The following FAAH2 variants were observed in gnomAD, a reference collection of about 807,000 sequenced individuals.
FAAH2 encodes fatty-acid amide hydrolase 2.
A neutral mutation model predicts 36.9 loss-of-function variants in FAAH2; 60 were observed. The ratio of observed to expected loss-of-function variants is 1.63; its 90% CI spans 1.32 to 2.02. FAAH2 has a LOEUF of 2.02. Ranked by LOEUF, FAAH2 falls within the 30% of genes most tolerant of loss-of-function variation. The pLI, the probability that FAAH2 is intolerant of heterozygous loss-of-function variation, is 0.00. For missense variants in FAAH2, 689 were observed against 397.5 expected (o/e 1.73, Z -6.23); for synonymous variants, 214 against 143.8 (o/e 1.49, Z -3.49).
At position 57,443,617 on chromosome X, in the gene FAAH2, C is replaced by T. The variant is rs754666325; in HGVS notation, c.1117-3311C>T. ...CGGACGCCTTCTTCTCTCAACTCAT[C>T]AAAGTCATTCTCTATCCAGCTTTGT... On this transcript the variant is annotated intron_variant, in intron 8 of 10. Transcript: ENST00000374900. Among the ~76,000 whole-genome samples, 6 of 112,085 alleles carry T rather than the reference C, an allele frequency of 5.4e-5. No homozygotes were observed. In the South Asian group the frequency reaches 1.5e-3, roughly 28 times the overall value.
At chrX:57,455,788 T>C (rs2056855188) in intron 10 of FAAH2, among the ~76,000 whole-genome samples, 1 of 112,052 alleles carries the variant, frequency 8.9e-6, no homozygotes, top group Admixed American at 9.4e-5. Context: ...AATGTAGAAG[T>C]ACCTGGATTC....
At chrX:57,173,632 T>C in the FAAH2 span, among the ~76,000 whole-genome samples, 1 of 111,960 alleles carries the variant, frequency 8.9e-6, no homozygotes, top group African/African-American at 3.2e-5. Flanking sequence ...GTGATGAAAA[T>C]AGGCAACCTT....
the FAAH2 span, among the ~76,000 whole-genome samples, chrX:57,176,273 G>GT: frequency 3.4e-3 from 347 of 101,820 alleles, no homozygotes; most frequent in South Asian, 0.019. Flanking sequence ...TCATGTAATT[G>GT]TTTTTTTTTT....
the FAAH2 span, among the ~76,000 whole-genome samples, chrX:57,124,040 G>A: frequency 9.0e-6 from 1 of 111,554 alleles, no homozygotes; most frequent in South Asian, 3.7e-4. Context: ...GGCTTTTGTT[G>A]CCATTGCTTT....
At chrX:57,327,815 A>T (rs763037355) in intron 3 of FAAH2, among the ~76,000 whole-genome samples, 6 of 111,566 alleles carry the variant, frequency 5.4e-5, no homozygotes, top group Admixed American at 1.9e-4. Context: ...GTAGTTTGAT[A>T]ATCTGAAGCC....
intron 2 of FAAH2, among the ~76,000 whole-genome samples, chrX:57,303,182 C>T (rs757034275): frequency 9.0e-6 from 1 of 111,686 alleles, no homozygotes; most frequent in South Asian, 3.8e-4. Context: ...TTGGGAAACT[C>T]CTGGGAGACA....
the FAAH2 span, among the ~76,000 whole-genome samples, chrX:57,255,945 G>A: frequency 5.4e-5 from 6 of 111,688 alleles, no homozygotes; most frequent in South Asian, 1.9e-3. Context: ...TCAAGAGAAA[G>A]CAATAAAGGG....
the FAAH2 span, among the ~76,000 whole-genome samples, chrX:57,218,323 G>A: frequency 3.6e-5 from 4 of 111,572 alleles, no homozygotes; most frequent in African/African-American, 6.5e-5. Flanking sequence ...TCAGTATTTT[G>A]TTGACTCTGG....
At chrX:57,177,681 T>G in the FAAH2 span, among the ~76,000 whole-genome samples, 1 of 97,596 alleles carries the variant, frequency 1.0e-5, no homozygotes, top group African/African-American at 3.7e-5. Context: ...TACAGATGCA[T>G]CTACATAGAA....
At chrX:57,364,370 T>A (rs180863652) in intron 5 of FAAH2, among the ~76,000 whole-genome samples, 1 of 108,209 alleles carries the variant, frequency 9.2e-6, no homozygotes, top group East Asian at 2.9e-4. Context: ...CTCTACAGAT[T>A]TTTTTGTGTT....
intron 4 of FAAH2, among the ~76,000 whole-genome samples, chrX:57,338,864 T>C (rs752136057): frequency 3.6e-5 from 4 of 111,459 alleles, no homozygotes; most frequent in Non-Finnish European, 7.5e-5. Flanking sequence ...ATGCTATTCC[T>C]ATTAAACTAC....
chrX:57,127,799 C>T, the FAAH2 span, among the ~76,000 whole-genome samples: 1 of 110,914 alleles, frequency 9.0e-6, no homozygotes, highest in South Asian at 3.8e-4. Flanking sequence ...ATGTTAAATC[C>T]CTGGTATGTA....
chrX:57,443,225 C>T (rs762501601), intron 8 of FAAH2, among the ~76,000 whole-genome samples: 7 of 112,072 alleles, frequency 6.2e-5, no homozygotes, highest in Non-Finnish European at 9.4e-5. Context: ...TGATTCCATT[C>T]TCACCGTCAC....
the FAAH2 span, among the ~76,000 whole-genome samples, chrX:57,158,481 C>G: frequency 8.0e-5 from 9 of 111,814 alleles, no homozygotes; most frequent in Admixed American, 8.5e-4. Flanking sequence ...AAAAGTGTTC[C>G]TATTTGTCCA....
At chrX:57,390,103 T>C (rs1419023604) in intron 7 of FAAH2, among the ~76,000 whole-genome samples, 1 of 112,093 alleles carries the variant, frequency 8.9e-6, no homozygotes, top group Non-Finnish European at 1.9e-5. Context: ...ATATCAAATA[T>C]ATGTTTTACA....
chrX:57,459,731 T>C (rs1042391338), intron 10 of FAAH2, among the ~76,000 whole-genome samples: 2 of 111,966 alleles, frequency 1.8e-5, no homozygotes, highest in Non-Finnish European at 3.8e-5. Flanking sequence ...TCCAACAAAC[T>C]TCAGCAGACC....
At chrX:57,137,367 T>G in the FAAH2 span, 8 of 753,767 alleles carry the variant, frequency 1.1e-5, no homozygotes, top group African/African-American at 2.3e-5. Flanking sequence ...ATGAGGAGCG[T>G]GTGTAGGAGC....
At chrX:57,354,608 G>A (rs1290025870) in intron 5 of FAAH2, among the ~76,000 whole-genome samples, 1 of 110,287 alleles carries the variant, frequency 9.1e-6, no homozygotes. Context: ...TTACTTCAGT[G>A]GCAAATCTGT....
At chrX:57,441,230 G>T (rs1032226971) in intron 8 of FAAH2, among the ~76,000 whole-genome samples, 6 of 111,199 alleles carry the variant, frequency 5.4e-5, no homozygotes, top group Admixed American at 9.6e-5. Context: ...GAATCTGTCT[G>T]GTTCTGGATT....
Sources: allele counts gnomAD v4.1 joint callset (sites outside exome capture counted in the v4.1 genomes callset), GRCh38; gene constraint gnomAD v4.1.1; transcripts MANE v1.5; gene names NCBI Gene and HGNC (gene_info 2026-07-23, HGNC 2026-07-21).